The following SLC44A3 variants were observed in gnomAD, a reference collection of about 807,000 sequenced individuals.
The protein encoded by SLC44A3 is choline transporter-like protein 3.
SLC44A3 carries 74 observed loss-of-function variants against 75.4 expected under a neutral mutation model. The ratio of observed to expected loss-of-function variants is 0.98; its 90% CI spans 0.81 to 1.19. The LOEUF is 1.19. SLC44A3 is among the 50% of genes most tolerant of loss of function. SLC44A3 has a pLI of 0.00. For synonymous variants in SLC44A3, 310 were observed against 296.9 expected (o/e 1.04, Z -0.45); for missense variants, 700 against 778.6 (o/e 0.90, Z 1.20).
chr1:94,870,806 C>T (rs547701720), intron 12 of SLC44A3, among the ~76,000 whole-genome samples: 6 of 152,280 alleles, frequency 3.9e-5, no homozygotes, highest in Admixed American at 6.5e-5. Flanking sequence ...CCTTATCCTC[C>T]GGAGTAGCTG....
At chr1:94,853,307 T>G (rs1459313484) in intron 9 of SLC44A3, among the ~76,000 whole-genome samples, 1 of 152,028 alleles carries the variant, frequency 6.6e-6, no homozygotes, top group Non-Finnish European at 1.5e-5. Context: ...ATAATCATGA[T>G]TGGAGTAGGT....
chr1:94,872,023 C>CTTG (rs1273152642), intron 12 of SLC44A3, among the ~76,000 whole-genome samples: 2 of 152,178 alleles, frequency 1.3e-5, no homozygotes, highest in African/African-American at 4.8e-5. Context: ...CCAGTGTTGC[C>CTTG]TTGAGTTGAC....
intron 6 of SLC44A3, among the ~76,000 whole-genome samples, chr1:94,838,696 A>C (rs1270982128): frequency 6.6e-6 from 1 of 152,234 alleles, no homozygotes; most frequent in Non-Finnish European, 1.5e-5. Flanking sequence ...ATATTTAACT[A>C]GTCACTATTA....
chr1:94,892,655 T>C (rs943906457), intron 14 of SLC44A3, 138 bp downstream of exon 14: 8 of 834,912 alleles, frequency 9.6e-6, no homozygotes, highest in Admixed American at 6.9e-5. Flanking sequence ...CCCCCGGGCC[T>C]GAAAGTGGGA....
At chr1:94,892,835 T>C (rs1380603653) in intron 14 of SLC44A3, among the ~76,000 whole-genome samples, 1 of 152,216 alleles carries the variant, frequency 6.6e-6, no homozygotes, top group Non-Finnish European at 1.5e-5. Context: ...CCTTTGGTGC[T>C]CATGGCATGA....
intron 2 of SLC44A3, among the ~76,000 whole-genome samples, chr1:94,821,435 C>A (rs774172297): frequency 6.6e-6 from 1 of 152,142 alleles, no homozygotes; most frequent in African/African-American, 2.4e-5. Flanking sequence ...AAAGGAAAAG[C>A]CAGGGTAAGC....
intron 10 of SLC44A3, among the ~76,000 whole-genome samples, chr1:94,862,725 G>A (rs911256367): frequency 2.0e-5 from 3 of 152,132 alleles, no homozygotes; most frequent in Non-Finnish European, 4.4e-5. Flanking sequence ...TGGTCCAGTG[G>A]GAAGATCTAG....
At chr1:94,852,571 A>G (rs1665351593) in intron 9 of SLC44A3, among the ~76,000 whole-genome samples, 1 of 152,176 alleles carries the variant, frequency 6.6e-6, no homozygotes, top group Admixed American at 6.5e-5. Flanking sequence ...CTTTGTAGGA[A>G]CTTTGGCTTC....
At chr1:94,875,067 C>A (rs943144967) in intron 12 of SLC44A3, among the ~76,000 whole-genome samples, 7 of 152,204 alleles carry the variant, frequency 4.6e-5, no homozygotes, top group African/African-American at 1.7e-4. Flanking sequence ...CCAGGCCCAG[C>A]CAACAAGGTG....
intron 12 of SLC44A3, among the ~76,000 whole-genome samples, chr1:94,888,304 C>T (rs916076130): frequency 4.6e-5 from 7 of 152,196 alleles, no homozygotes; most frequent in South Asian, 2.1e-4. Context: ...TAAAATAAAA[C>T]GGTCTCTGTC....
intron 9 of SLC44A3, among the ~76,000 whole-genome samples, chr1:94,850,745 G>T (rs951381014): frequency 1.3e-5 from 2 of 152,170 alleles, no homozygotes; most frequent in Admixed American, 6.5e-5. Flanking sequence ...GCAAATAAGG[G>T]ACCATATGTA....
chr1:94,887,555 T>C (rs996393010), intron 12 of SLC44A3, among the ~76,000 whole-genome samples: 1 of 152,208 alleles, frequency 6.6e-6, no homozygotes, highest in African/African-American at 2.4e-5. Context: ...GAAAGTATAA[T>C]ACCTTTTTAA....
At chr1:94,868,945 C>T (rs1017746230) in intron 12 of SLC44A3, among the ~76,000 whole-genome samples, 2 of 152,214 alleles carry the variant, frequency 1.3e-5, no homozygotes, top group Non-Finnish European at 2.9e-5. Context: ...ATTAGGAGGG[C>T]AGAGAAATGG....
intron 12 of SLC44A3, among the ~76,000 whole-genome samples, chr1:94,883,060 C>G (rs1028332846): frequency 2.0e-5 from 3 of 151,042 alleles, no homozygotes; most frequent in African/African-American, 7.3e-5. Flanking sequence ...ACAGAGAGGC[C>G]AGGGGTCAGA....
intron 12 of SLC44A3, among the ~76,000 whole-genome samples, chr1:94,868,826 C>G (rs1667451458): frequency 6.6e-6 from 1 of 152,276 alleles, no homozygotes; most frequent in African/African-American, 2.4e-5. Context: ...TATCCCCTCT[C>G]ACTGTACTAC....
At chr1:94,830,170 G>A (rs1315066698) in intron 5 of SLC44A3, among the ~76,000 whole-genome samples, 1 of 152,102 alleles carries the variant, frequency 6.6e-6, no homozygotes, top group Non-Finnish European at 1.5e-5. Flanking sequence ...AATTGAAGGA[G>A]GAGAGAACTA....
chr1:94,861,468 C>T (rs1355529730), intron 10 of SLC44A3, among the ~76,000 whole-genome samples: 1 of 152,066 alleles, frequency 6.6e-6, no homozygotes, highest in Non-Finnish European at 1.5e-5. Context: ...CCTATTAAGC[C>T]TAGCAGTGAT....
chr1:94,874,629 G>A (rs1420953071), intron 12 of SLC44A3, among the ~76,000 whole-genome samples: 6 of 152,200 alleles, frequency 3.9e-5, no homozygotes, highest in Non-Finnish European at 8.8e-5. Flanking sequence ...AAATGACTTC[G>A]ACTTCCTCCT....
At chr1:94,887,417 A>G (rs2282382) in intron 12 of SLC44A3, among the ~76,000 whole-genome samples, 60,199 of 151,890 alleles carry the variant, frequency 0.4, 13,339 homozygotes, top group African/African-American at 0.58. Context: ...GTGGTATGGT[A>G]CCTGCAGGAA....
Sources: gnomAD v4.1 joint callset for allele counts (sites outside exome capture counted in the v4.1 genomes callset) on GRCh38, gnomAD v4.1.1 for gene constraint, MANE v1.5 for transcripts, NCBI Gene and HGNC (gene_info 2026-07-23, HGNC 2026-07-21) for gene names.